The following FAM171B variants were observed in gnomAD, a reference collection of about 807,000 sequenced individuals.
FAM171B encodes family with sequence similarity 171 member B.
Under a neutral mutation model 75.6 loss-of-function variants are expected in FAM171B, and 19 were observed. That is an observed-to-expected ratio of 0.25 (90% CI 0.18 to 0.37). The LOEUF (loss-of-function observed/expected upper bound fraction) is 0.37. FAM171B is among the 10% of genes least tolerant of loss of function. The pLI is 1.00. For synonymous variants in FAM171B, 367 were observed against 361.7 expected (o/e 1.01, Z -0.17); for missense variants, 848 against 982.4 (o/e 0.86, Z 1.83).
chr2:186,715,325 C>G (rs1056511360), intron 1 of FAM171B, among the ~76,000 whole-genome samples: 4 of 152,024 alleles, frequency 2.6e-5, no homozygotes, highest in Non-Finnish European at 5.9e-5. Context: ...ACCTCAGCTT[C>G]CCAGGTAGCT....
chr2:186,707,777 C>T (rs905998563), intron 1 of FAM171B, among the ~76,000 whole-genome samples: 2 of 151,878 alleles, frequency 1.3e-5, no homozygotes, highest in Admixed American at 1.3e-4. Context: ...CCATCCTCCA[C>T]CCCAATCACC....
At chr2:186,723,981 C>T (rs1334902368) in intron 1 of FAM171B, among the ~76,000 whole-genome samples, 1 of 152,112 alleles carries the variant, frequency 6.6e-6, no homozygotes, top group East Asian at 1.9e-4. Flanking sequence ...ATGAGAATGT[C>T]CATGACCTTA....
At chr2:186,753,656 G>A (rs956429731) in intron 5 of FAM171B, among the ~76,000 whole-genome samples, 1 of 152,042 alleles carries the variant, frequency 6.6e-6, no homozygotes, top group African/African-American at 2.4e-5. Flanking sequence ...CTTGTGATCC[G>A]CCTGCCTTGG....
chr2:186,759,306 G>A (rs1431734335), intron 6 of FAM171B, among the ~76,000 whole-genome samples: 3 of 152,234 alleles, frequency 2.0e-5, no homozygotes, highest in African/African-American at 7.2e-5. Flanking sequence ...TGCTGGGTTA[G>A]GGTCTTCCCG....
chr2:186,728,443 T>C (rs1690066447), intron 1 of FAM171B, among the ~76,000 whole-genome samples: 1 of 152,176 alleles, frequency 6.6e-6, no homozygotes, highest in South Asian at 2.1e-4. Context: ...CGTGCAGATC[T>C]GAGGAAAAGT....
At chr2:186,747,012 T>C in intron 3 of FAM171B, 80 bp from the exon 4 acceptor site, 1 of 1,064,446 alleles carries the variant, frequency 9.4e-7, no homozygotes, top group South Asian at 1.9e-5. Context: ...ATTGCTTCTT[T>C]TAAAGTAAGA....
At chr2:186,749,983 G>A (rs1381892228) in intron 4 of FAM171B, among the ~76,000 whole-genome samples, 1 of 152,108 alleles carries the variant, frequency 6.6e-6, no homozygotes, top group Non-Finnish European at 1.5e-5. Context: ...GAATTATTAT[G>A]AAAAAATATT....
intron 7 of FAM171B, 80 bp from the exon 8 acceptor site, chr2:186,761,399 G>A (rs1262898781): frequency 3.4e-6 from 5 of 1,481,668 alleles, no homozygotes; most frequent in Admixed American, 2.4e-5. Context: ...TGTATGATAT[G>A]TAGATTGGGA....
intron 3 of FAM171B, among the ~76,000 whole-genome samples, chr2:186,744,032 G>A (rs1690331561): frequency 6.6e-6 from 1 of 152,118 alleles, no homozygotes. Context: ...TGCCTCACTT[G>A]TGTATCCCAA....
At chr2:186,736,567 G>GGA (rs35704183) in intron 1 of FAM171B, among the ~76,000 whole-genome samples, 184 of 104,608 alleles carry the variant, frequency 1.8e-3, no homozygotes, top group African/African-American at 4.7e-3. Flanking sequence ...TGTGTGTGTG[G>GGA]GAGAGAGAGA....
At chr2:186,754,162 A>G in intron 6 of FAM171B, 113 bp downstream of exon 6, 1 of 732,700 alleles carries the variant, frequency 1.4e-6, no homozygotes, top group Non-Finnish European at 2.2e-6. Flanking sequence ...GCTATATGAC[A>G]ATGGGAAAGG....
chr2:186,728,334 C>A (rs1221199880), intron 1 of FAM171B, among the ~76,000 whole-genome samples: 2 of 152,100 alleles, frequency 1.3e-5, no homozygotes, highest in Non-Finnish European at 2.9e-5. Context: ...ATTGTAATAT[C>A]AGAAATTCTG....
chr2:186,762,503 G>C lies in FAM171B; in HGVS notation c.2161G>C (p.Glu721Gln). The change falls in exon 8 of 8, where the codon GAG (glutamate) becomes CAG (glutamine). Residue 721 changes from glutamate to glutamine, a missense_variant. Glu to Gln is a conservative substitution (Grantham distance 29). Coordinates refer to ENST00000304698, the MANE Select transcript of FAM171B (RefSeq NM_177454.4). This position sits in a 1 kb window ranked among gnomAD's most constrained non-coding sequence, Gnocchi z 4.0. ...MNELHSSRKL[E>Q]REKTFIKSMH... ...TGAGCTTCACTCAAGTAGAAAGCTC[G>C]AGAGGGAGAAAACATTCATCAAAAG... 6.2e-7 allele frequency: 1 copy of C among 1,613,492 alleles called. No homozygotes were observed. The highest frequency in any genetic ancestry group is 8.5e-7 in the Non-Finnish European group (1 of 1,179,726).
At chr2:186,700,053 A>G (rs924554329) in intron 1 of FAM171B, among the ~76,000 whole-genome samples, 5 of 150,036 alleles carry the variant, frequency 3.3e-5, no homozygotes, top group Non-Finnish European at 5.9e-5. Context: ...CAAGTCAGGT[A>G]ATTTGATTTC....
At chr2:186,703,076 T>TACACAC (rs35043744) in intron 1 of FAM171B, among the ~76,000 whole-genome samples, 4,197 of 145,522 alleles carry the variant, frequency 0.029, 153 homozygotes, top group African/African-American at 0.078. Context: ...TATATATATA[T>TACACAC]ACACACACAC....
chr2:186,748,911 C>CTGGAGGATGTTCA (rs1266992923), intron 4 of FAM171B, among the ~76,000 whole-genome samples: 1 of 152,046 alleles, frequency 6.6e-6, no homozygotes, highest in Non-Finnish European at 1.5e-5. Flanking sequence ...GCTCATGGCG[C>CTGGAGGATGTTCA]TGGAGGATGT....
intron 1 of FAM171B, among the ~76,000 whole-genome samples, chr2:186,728,521 A>G (rs530697822): frequency 6.6e-6 from 1 of 152,196 alleles, no homozygotes; most frequent in Non-Finnish European, 1.5e-5. Flanking sequence ...CCAACCAACT[A>G]TTTTATTCCA....
chr2:186,726,413 G>A (rs936891431), intron 1 of FAM171B, among the ~76,000 whole-genome samples: 4 of 151,936 alleles, frequency 2.6e-5, no homozygotes, highest in Non-Finnish European at 5.9e-5. Flanking sequence ...AAAGAAGGAG[G>A]CTTGTGTGTC....
intron 4 of FAM171B, among the ~76,000 whole-genome samples, chr2:186,750,123 G>A (rs1480186929): frequency 6.6e-6 from 1 of 152,086 alleles, no homozygotes; most frequent in East Asian, 1.9e-4. Flanking sequence ...AGATTCAAAA[G>A]TGTAGACCAA....
Sources: allele counts gnomAD v4.1 joint callset (sites outside exome capture counted in the v4.1 genomes callset), GRCh38; gene constraint gnomAD v4.1.1; non-coding constraint Gnocchi (gnomAD v3.1); transcripts MANE v1.5; gene names NCBI Gene and HGNC (gene_info 2026-07-23, HGNC 2026-07-21).